DISP1: variants seen among roughly 807,000 people sequenced by gnomAD.
The protein encoded by DISP1 is dispatched RND transporter family member 1, also known as protein dispatched homolog 1.
In DISP1, 30 loss-of-function variants were observed where a neutral mutation model predicts 37.3. That is an observed-to-expected ratio of 0.80 (90% CI 0.60 to 1.09). The LOEUF (loss-of-function observed/expected upper bound fraction) is 1.09, where lower values mean the gene tolerates loss of function less well. Among genes scored for constraint, DISP1 ranks in the 50% least tolerant of loss-of-function variants. The pLI, the probability that DISP1 is intolerant of heterozygous loss-of-function variation, is 0.00. For synonymous variants in DISP1, 634 were observed against 690.2 expected, an observed-to-expected ratio of 0.92 and a Z score of 1.28; for missense variants, 1,598 against 1,879.5, an observed-to-expected ratio of 0.85 and a Z score of 2.77.
intron 1 of DISP1, among the ~76,000 whole-genome samples, chr1:222,828,443 C>G (rs1346376324): frequency 6.6e-6 from 1 of 152,186 alleles, no homozygotes; most frequent in Non-Finnish European, 1.5e-5. Context: ...CTATTTTTAT[C>G]AGACATTATA....
intron 1 of DISP1, among the ~76,000 whole-genome samples, chr1:222,871,105 A>G (rs1018138358): frequency 6.6e-5 from 10 of 151,930 alleles, no homozygotes; most frequent in African/African-American, 2.4e-4. Flanking sequence ...AGTTGTAGAT[A>G]CGCGGCATTA....
chr1:222,962,008 A>G (rs1003794122), intron 3 of DISP1, among the ~76,000 whole-genome samples: 9 of 148,050 alleles, frequency 6.1e-5, no homozygotes, highest in African/African-American at 2.4e-4. Context: ...CTGTCTCAAA[A>G]AAAGAAAAAA....
chr1:222,983,020 G>C, intron 3 of DISP1, 60 bp from the exon 4 acceptor site: 1 of 1,272,714 alleles, frequency 7.9e-7, no homozygotes, highest in Non-Finnish European at 1.1e-6. Flanking sequence ...CTTTGTTTAT[G>C]TTATGATGTT....
At chr1:222,931,312 A>C (rs1038063526) in intron 2 of DISP1, among the ~76,000 whole-genome samples, 1 of 149,376 alleles carries the variant, frequency 6.7e-6, no homozygotes, top group Non-Finnish European at 1.5e-5. Flanking sequence ...TTGGGCTGCT[A>C]AGTTTTGAGG....
Position 222,903,092 on chromosome 1 carries a change from A to G in DISP1, c.-158-25338A>G, listed in dbSNP as rs1416500663. Among the ~76,000 whole-genome samples, 17 of 151,932 alleles carry G rather than the reference A, an allele frequency of 1.1e-4. No homozygotes were observed. In the East Asian group the frequency reaches 3.1e-3, roughly 28 times the overall value. On this transcript the variant is annotated intron_variant, in intron 1 of 8. Coordinates refer to ENST00000675850, the MANE Select transcript of DISP1 (RefSeq NM_001377229.1). Reference sequence around the variant, plus strand: ...ATAGACTGGATTAAGAAAATGTGGCACATATACACCATGGAATACTATGCA... The same window carrying G: ...ATAGACTGGATTAAGAAAATGTGGCGCATATACACCATGGAATACTATGCA...
At chr1:222,974,020 T>A (rs940489662) in intron 3 of DISP1, among the ~76,000 whole-genome samples, 7 of 152,224 alleles carry the variant, frequency 4.6e-5, no homozygotes, top group African/African-American at 1.7e-4. Context: ...CAACATCGAT[T>A]GTTATGTCAT....
Position 223,003,565 on chromosome 1 carries a change from T to G in DISP1, c.2168T>G (p.Phe723Cys). Residue 723 changes from phenylalanine (F) to cysteine (C), a missense_variant, in exon 9 of 9, where the codon TTT becomes TGT. Coordinates refer to ENST00000675850, the MANE Select transcript of DISP1 (RefSeq NM_001377229.1). The surrounding 1 kb of genome is among the most constrained non-coding windows in gnomAD (Gnocchi z 4.3). ...IVIKFRYLWL[F>C]WFLALTVGGA... ...ATTAAGTTTCGCTACCTTTGGCTGT[T>G]TTGGTTCCTTGCCTTAACTGTAGGT... The G allele has an allele frequency of 1.2e-6, 2 of 1,614,238 alleles. No individual in the cohort carries two copies. The highest frequency in any genetic ancestry group is 3.3e-4 in the Middle Eastern group (2 of 6,062).
chr1:222,936,835 A>ATATATATAATATATATGATATATAATT (rs1673862942), intron 2 of DISP1, among the ~76,000 whole-genome samples: 1 of 38,946 alleles, frequency 2.6e-5, no homozygotes, highest in Admixed American at 4.4e-4. Flanking sequence ...TATATAAATT[A>ATATATATAATATATATGATATATAATT]TATATATCAT....
At chr1:222,973,408 CT>C (rs1257112144) in intron 3 of DISP1, among the ~76,000 whole-genome samples, 3 of 151,910 alleles carry the variant, frequency 2.0e-5, no homozygotes, top group Non-Finnish European at 4.4e-5. Context: ...ATTTAGTTTT[CT>C]TTTTTCATAT....
In DISP1 at chr1:222,992,226, C is replaced by CAG. The variant is rs1678755836; in HGVS notation, c.889+116_889+117insAG. On this transcript the variant is annotated intron_variant, in intron 7 of 8. Transcript: ENST00000675850. ...GGCTAGTCACACAGCTTCACTGTTG[C>CAG]TGTTGAACCTAAAGAAATTTTGGCT... The CAG allele has an allele frequency of 8.2e-6, 7 of 853,544 alleles. No homozygotes were observed. In the East Asian group the frequency reaches 1.6e-4, roughly 19 times the overall value. The allele number at this position is 853,544 out of a possible 1,614,324, so 52.9% of individuals were successfully genotyped here.
At chr1:222,906,580 G>A (rs951405233) in intron 1 of DISP1, among the ~76,000 whole-genome samples, 1 of 152,210 alleles carries the variant, frequency 6.6e-6, no homozygotes, top group Admixed American at 6.5e-5. Context: ...CCAAGATGGC[G>A]ATGAGAGTGA....
rs118162651 is a variant in DISP1 at position 222,951,265 on chromosome 1, C to A, written c.509+7933C>A. Among the ~76,000 whole-genome samples the A allele has an allele frequency of 3.1e-3, 468 of 151,792 alleles. 7 individuals carry two copies. The highest frequency in any genetic ancestry group is 0.015 in the Admixed American group (234 of 15,252). ...TTATAACTTACATTTCCTTTCATTTCTTTATTCATTTTCTAATTTCTGACT... is the reference window on the plus strand; with the variant it reads ...TTATAACTTACATTTCCTTTCATTTATTTATTCATTTTCTAATTTCTGACT... On this transcript the variant is annotated intron_variant, in intron 3 of 8. Transcript: ENST00000675850.
intron 1 of DISP1, among the ~76,000 whole-genome samples, chr1:222,895,964 C>T (rs1174439518): frequency 6.6e-6 from 1 of 152,092 alleles, no homozygotes; most frequent in South Asian, 2.1e-4. Context: ...ATAAATTGGA[C>T]TTTATCGTAA....
At chr1:222,927,155 A>G (rs1673132573) in intron 1 of DISP1, among the ~76,000 whole-genome samples, 1 of 150,658 alleles carries the variant, frequency 6.6e-6, no homozygotes, top group South Asian at 2.1e-4. Flanking sequence ...CATTCCCGCT[A>G]GCAGTGTTTA....
chr1:222,989,172 A>G (rs1198058803), intron 4 of DISP1, among the ~76,000 whole-genome samples: 2 of 152,212 alleles, frequency 1.3e-5, no homozygotes, highest in Non-Finnish European at 2.9e-5. Context: ...ATTTAGAGCC[A>G]CCAGAATTAT....
At chr1:222,858,708 C>T (rs938621106) in intron 1 of DISP1, among the ~76,000 whole-genome samples, 2 of 90,166 alleles carry the variant, frequency 2.2e-5, no homozygotes, top group Non-Finnish European at 4.4e-5. Flanking sequence ...GACATTCATG[C>T]AGCCAACAAA....
At position 223,003,353 on chromosome 1, in the gene DISP1, T is replaced by C. The variant is rs770585625; in HGVS notation, c.1956T>C (p.Leu652=). The C allele has an allele frequency of 2.4e-5, 38 of 1,614,046 alleles. No individual in the cohort carries two copies. Among genetic ancestry groups the C allele is most frequent in the Non-Finnish European group, 3.1e-5 (37 of 1,180,054 alleles). ...LVNYVLMVTW[L]PAVVVLHERY... is the part of the protein sequence containing the mutation. ...ATTACGTTTTGATGGTCACATGGCT[T>C]CCAGCAGTTGTTGTGCTGCATGAGC... The change falls in exon 9 of 9, where the codon CTT becomes CTC. Residue 652 remains leucine, a synonymous_variant. Coordinates refer to ENST00000675850, the MANE Select transcript of DISP1 (RefSeq NM_001377229.1). The surrounding 1 kb of genome is among the most constrained non-coding windows in gnomAD (Gnocchi z 4.3).
intron 2 of DISP1, among the ~76,000 whole-genome samples, chr1:222,928,790 G>A (rs1673227273): frequency 6.6e-6 from 1 of 152,064 alleles, no homozygotes; most frequent in Non-Finnish European, 1.5e-5. Flanking sequence ...GTCTAGCGCA[G>A]TAAGGTAAGG....
intron 3 of DISP1, among the ~76,000 whole-genome samples, chr1:222,944,989 G>T (rs886440076): frequency 5.3e-5 from 8 of 150,808 alleles, no homozygotes; most frequent in African/African-American, 2.0e-4. Context: ...GCCAGCCTGG[G>T]CAACATAGCA....
Sources: allele counts gnomAD v4.1 joint callset (sites outside exome capture counted in the v4.1 genomes callset), GRCh38; gene constraint gnomAD v4.1.1; non-coding constraint Gnocchi (gnomAD v3.1); transcripts MANE v1.5; gene names NCBI Gene and HGNC (gene_info 2026-07-23, HGNC 2026-07-21).